The following USP7 variants were observed in gnomAD, a reference collection of about 807,000 sequenced individuals.
USP7 encodes ubiquitin C-terminal hydrolase 7.
Under a neutral mutation model 162.9 loss-of-function variants are expected in USP7, and 9 were observed. That is an observed-to-expected ratio of 0.06 (90% CI 0.03 to 0.10). The LOEUF is 0.10. Among genes scored for constraint, USP7 ranks in the 10% least tolerant of loss-of-function variants. USP7 has a pLI of 1.00. For missense variants in USP7, 715 were observed against 1,373.7 expected, an observed-to-expected ratio of 0.52 and a Z score of 7.58; for synonymous variants, 562 against 475.9, an observed-to-expected ratio of 1.18 and a Z score of -2.35.
At chr16:8,897,209 GC>G in intron 25 of USP7, 110 bp from the exon 26 acceptor site, 1 of 829,326 alleles carries the variant, frequency 1.2e-6, no homozygotes. Context: ...TCCCCAGCTG[GC>G]CCCCATGTTC....
chr16:8,916,058 G>C (rs1220643644), intron 8 of USP7, among the ~76,000 whole-genome samples: 1 of 152,196 alleles, frequency 6.6e-6, no homozygotes, highest in Non-Finnish European at 1.5e-5. Flanking sequence ...ATTTGCTAGT[G>C]ATTAGTGATG....
At chr16:8,901,323 A>T in intron 18 of USP7, 89 bp from the exon 19 acceptor site, 1 of 351,732 alleles carries the variant, frequency 2.8e-6, no homozygotes, top group Non-Finnish European at 4.8e-6. Context: ...AAAAAACGAA[A>T]AAAAAAAAAC....
chr16:8,960,436 C>A (rs1241245265), intron 1 of USP7, among the ~76,000 whole-genome samples: 2 of 152,188 alleles, frequency 1.3e-5, no homozygotes, highest in Non-Finnish European at 2.9e-5. Flanking sequence ...GCAAATGCAA[C>A]CCCAAGAATG....
intron 1 of USP7, among the ~76,000 whole-genome samples, chr16:8,941,790 A>AC (rs1256337896): frequency 6.6e-6 from 1 of 152,182 alleles, no homozygotes; most frequent in African/African-American, 2.4e-5. Flanking sequence ...CCGGCCAGCC[A>AC]CTGACCCTTC....
intron 30 of USP7, 24 bp downstream of exon 30, chr16:8,894,526 C>CG: frequency 6.7e-7 from 1 of 1,496,164 alleles, no homozygotes; most frequent in Non-Finnish European, 9.0e-7. Flanking sequence ...CCACACCAGC[C>CG]CCCGGGGGGG....
intron 1 of USP7, among the ~76,000 whole-genome samples, chr16:8,961,109 A>G (rs1596423077): frequency 6.6e-6 from 1 of 152,230 alleles, no homozygotes; most frequent in African/African-American, 2.4e-5. Flanking sequence ...TATGAAAATA[A>G]AGCTTCATTT....
chr16:8,958,056 GA>G, intron 1 of USP7, among the ~76,000 whole-genome samples: 1 of 152,274 alleles, frequency 6.6e-6, no homozygotes, highest in African/African-American at 2.4e-5. Flanking sequence ...AGAGTACACT[GA>G]AAAAAGTGTT....
intron 21 of USP7, 70 bp from the exon 22 acceptor site, chr16:8,899,827 C>T (rs2061745891): frequency 3.9e-6 from 6 of 1,547,256 alleles, no homozygotes; most frequent in African/African-American, 1.4e-5. Flanking sequence ...AAAATGGCAT[C>T]ATCTTTTACA....
intron 8 of USP7, among the ~76,000 whole-genome samples, chr16:8,915,730 T>A (rs1897336870): frequency 6.6e-6 from 1 of 152,252 alleles, no homozygotes. Context: ...CAGTTGAGGT[T>A]AACCTTTTAT....
rs1006547371 is a variant in USP7 at position 8,892,448 on chromosome 16, G to C, written c.*1550C>G. The C allele has an allele frequency of 6.6e-6, 1 of 152,266 alleles. No homozygotes were observed. Among genetic ancestry groups the C allele is most frequent in the Non-Finnish European group, 1.5e-5 (1 of 68,060 alleles). 9.4% of individuals were successfully genotyped at this position (152,266 alleles called of 1,614,324 possible). A position where few individuals can be genotyped will look rare whatever the true frequency, so the allele number is the denominator to read the frequency against. ...ACCGTGCCACGGAGCTGGAAGGCAA[G>C]GCCGATGGGACGGTGCAAGGACCAC... is the stretch of plus-strand genomic sequence containing the variant. On this transcript the variant is annotated 3_prime_UTR_variant, in exon 31 of 31. Transcript: ENST00000344836.
chr16:8,895,696 T>A lies in USP7; in HGVS notation c.2865A>T (p.Glu955Asp). The change falls in exon 27 of 31, where the codon GAA becomes GAT. Residue 955 changes from glutamate to aspartate, a missense_variant. Glu to Asp is a conservative substitution (Grantham distance 45, BLOSUM62 2). This residue lies in a region of USP7 where 222 missense variants were observed against 441.7 expected (regional missense o/e 0.50). Coordinates refer to ENST00000344836, the MANE Select transcript of USP7 (RefSeq NM_003470.3). ...GAGATAAACATTCTAATAGTTCATC[T>A]TCTTGATGAACACCAATGATTTTGT... Reference protein sequence around the residue: ...VSYKIIGVHQEDELLECLSPA... With the variant: ...VSYKIIGVHQDDELLECLSPA... 6.2e-7 allele frequency: 1 copy of A among 1,613,472 alleles called. No homozygotes were observed. The highest frequency in any genetic ancestry group is 8.5e-7 in the Non-Finnish European group (1 of 1,179,864).
intron 1 of USP7, among the ~76,000 whole-genome samples, chr16:8,941,676 G>T (rs1273942664): frequency 6.6e-6 from 1 of 152,196 alleles, no homozygotes; most frequent in East Asian, 1.9e-4. Flanking sequence ...AGACCAGGCC[G>T]TGTTGGTGTG....
intron 2 of USP7, among the ~76,000 whole-genome samples, chr16:8,926,260 C>G (rs1314393894): frequency 6.6e-6 from 1 of 151,940 alleles, no homozygotes; most frequent in African/African-American, 2.4e-5. Context: ...GGCGGATAAC[C>G]TGAGGTCAGG....
At chr16:8,908,472 C>T (rs2061893617) in intron 11 of USP7, 22 bp from the exon 12 acceptor site, 1 of 1,591,242 alleles carries the variant, frequency 6.3e-7, no homozygotes, top group Non-Finnish European at 8.6e-7. Flanking sequence ...AAAACAAATG[C>T]AAATGTAGTT....
intron 1 of USP7, among the ~76,000 whole-genome samples, chr16:8,938,055 TCCTC>T (rs1026398460): frequency 1.5e-4 from 23 of 152,062 alleles, no homozygotes; most frequent in African/African-American, 5.1e-4. Context: ...GGGCAGAATA[TCCTC>T]CCTATGTCAC....
At chr16:8,896,252 A>T (rs1000986004) in intron 26 of USP7, among the ~76,000 whole-genome samples, 7 of 151,944 alleles carry the variant, frequency 4.6e-5, no homozygotes, top group Non-Finnish European at 8.8e-5. Flanking sequence ...TCTGCTGGAC[A>T]AAGTGGAAAT....
chr16:8,931,997 G>A (rs1188798597), intron 1 of USP7, among the ~76,000 whole-genome samples: 1 of 152,074 alleles, frequency 6.6e-6, no homozygotes, highest in Non-Finnish European at 1.5e-5. Flanking sequence ...CAATTTCAGA[G>A]CCTTTCTGCC....
Position 8,963,882 on chromosome 16 carries a change from C to T in USP7, c.-597G>A, listed in dbSNP as rs1900122312. Among the ~76,000 whole-genome samples the T allele has an allele frequency of 6.8e-6, 1 of 146,696 alleles. No homozygotes were observed. Among genetic ancestry groups the T allele is most frequent in the Non-Finnish European group, 1.5e-5 (1 of 65,868 alleles). Reference sequence around the variant, plus strand: ...CCGGCAGCTCGGCTCGGCTCGCTCTCAAAATGGCGGCGGCGTGAAATGTCA... The same window carrying T: ...CCGGCAGCTCGGCTCGGCTCGCTCTTAAAATGGCGGCGGCGTGAAATGTCA... On this transcript the variant is annotated 5_prime_UTR_variant, in exon 1 of 31. Coordinates refer to ENST00000344836, the MANE Select transcript of USP7 (RefSeq NM_003470.3).
At chr16:8,941,355 A>G (rs559628082) in intron 1 of USP7, among the ~76,000 whole-genome samples, 3 of 152,340 alleles carry the variant, frequency 2.0e-5, no homozygotes, top group Admixed American at 2.0e-4. Flanking sequence ...CATACCCTAC[A>G]TATCCTGCAG....
Sources: gnomAD v4.1 joint callset for allele counts (sites outside exome capture counted in the v4.1 genomes callset) on GRCh38, gnomAD v4.1.1 for gene constraint, gnomAD v4.1.1 regional missense constraint, MANE v1.5 for transcripts, NCBI Gene and HGNC (gene_info 2026-07-23, HGNC 2026-07-21) for gene names.